Variants in ZNF432 observed in about 807,000 individuals in gnomAD.
ZNF432 encodes the protein zinc finger protein 432.
A neutral mutation model predicts 13.9 loss-of-function variants in ZNF432; 10 were observed. That is an observed-to-expected ratio of 0.72 (90% confidence interval 0.44 to 1.22). ZNF432 has a LOEUF of 1.22. Ranked by LOEUF, ZNF432 falls within the 50% of genes most tolerant of loss-of-function variation. The pLI is 0.00. For synonymous variants in ZNF432, 247 were observed against 256.2 expected, an observed-to-expected ratio of 0.96 and a Z score of 0.34; for missense variants, 793 against 796.2, an observed-to-expected ratio of 1.00 and a Z score of 0.05.
At chr19:52,043,493 T>C (rs2087154130) in intron 2 of ZNF432, among the ~76,000 whole-genome samples, 2 of 151,810 alleles carry the variant, frequency 1.3e-5, no homozygotes, top group Non-Finnish European at 2.9e-5. Flanking sequence ...CATGTGATAG[T>C]CTGAAATATG....
Position 52,033,616 on chromosome 19 carries a change from A to AT in ZNF432, c.*103dup. 7.6e-7 allele frequency: 1 copy of AT among 1,316,444 alleles called. No individual in the cohort carries two copies. The highest frequency in any genetic ancestry group is 1.0e-6 in the Non-Finnish European group (1 of 971,434). The allele number at this position is 1,316,444 out of a possible 1,614,324, so 81.5% of individuals were successfully genotyped here. A position where few individuals can be genotyped will look rare whatever the true frequency, so the allele number is the denominator to read the frequency against. On this transcript the variant is annotated 3_prime_UTR_variant, in exon 5 of 5. Coordinates refer to ENST00000221315, the MANE Select transcript of ZNF432 (RefSeq NM_014650.4). ...GAATAACACTGGATTTTGAAATATG[A>AT]TTTTTCATACTCAGTACACATGTAG...
intron 1 of ZNF432, 30 bp from the exon 2 acceptor site, chr19:52,047,090 A>C (rs1195754895): frequency 2.1e-6 from 1 of 471,662 alleles, no homozygotes; most frequent in Non-Finnish European, 3.8e-6. Flanking sequence ...TCAGGGGTAC[A>C]TTCACCTTAA....
At chr19:52,043,653 A>C (rs1031532552) in intron 2 of ZNF432, among the ~76,000 whole-genome samples, 20 of 152,114 alleles carry the variant, frequency 1.3e-4, no homozygotes, top group African/African-American at 4.8e-4. Context: ...TGGGCAATGG[A>C]ATGTCTCGGT....
chr19:52,034,274 T>G lies in ZNF432; in HGVS notation c.1405A>C (p.Lys469Gln). 1.9e-6 allele frequency: 3 copies of G among 1,614,104 alleles called. No homozygotes were observed. Among genetic ancestry groups the G allele is most frequent in the Non-Finnish European group, 2.5e-6 (3 of 1,179,952 alleles). The change falls in exon 5 of 5, where the codon AAG becomes CAG. Residue 469 changes from lysine to glutamine, a missense_variant. By Grantham distance (53) the Lys-to-Gln change is moderately conservative. Coordinates refer to ENST00000221315, the MANE Select transcript of ZNF432 (RefSeq NM_014650.4). ...CGCTGATGTACAATCAGCCGACTCTTCAAGGGGAAGCCTTTCCCACATTCA... is the reference window on the plus strand; with the variant it reads ...CGCTGATGTACAATCAGCCGACTCTGCAAGGGGAAGCCTTTCCCACATTCA... ...CSECGKGFPL[K>Q]SRLIVHQRTH... is the part of the protein sequence containing the mutation.
In ZNF432 at chr19:52,032,438, T is replaced by TTC. The variant is rs2087023032; in HGVS notation, c.*1281_*1282insGA. 6.9e-6 allele frequency: 1 copy of TTC among 144,608 alleles called. No homozygotes were observed. Among genetic ancestry groups the TTC allele is most frequent in the South Asian group, 2.2e-4 (1 of 4,606 alleles). 9.0% of individuals were successfully genotyped at this position (144,608 alleles called of 1,614,324 possible). Reference sequence around the variant, plus strand: ...TTTGTGACAGTCCTCAAATATGGTTTTTTTTTTTTTTTTTTGAGGCAGAGT... The same window carrying TTC: ...TTTGTGACAGTCCTCAAATATGGTTTTCTTTTTTTTTTTTTTTGAGGCAGAGT... On this transcript the variant is annotated 3_prime_UTR_variant, in exon 5 of 5. Transcript: ENST00000221315.
chr19:52,039,841 A>AG (rs2087117277), intron 4 of ZNF432, among the ~76,000 whole-genome samples: 1 of 151,336 alleles, frequency 6.6e-6, no homozygotes, highest in South Asian at 2.1e-4. Flanking sequence ...AAAAAAAAAA[A>AG]AAAAAGAAAA....
chr19:52,048,278 T>C (rs1433677584), intron 1 of ZNF432, among the ~76,000 whole-genome samples: 1 of 151,896 alleles, frequency 6.6e-6, no homozygotes, highest in African/African-American at 2.4e-5. Context: ...AAACCTGGAA[T>C]AGACACACAC....
In ZNF432 at chr19:52,033,911, C is replaced by G; in HGVS notation, c.1768G>C (p.Val590Leu). Residue 590 changes from valine to leucine, a missense_variant, in exon 5 of 5, where the codon GTT becomes CTT. By Grantham distance (32) the Val-to-Leu change is conservative. Transcript: ENST00000221315. ...CCATAAGGTTTTTCTCCAGTATGAA[C>G]TTGCTTATGTAAAGCAAGCTCTGTT... ...KETELALHKQ[V>L]HTGEKPYGCN... 1 of 1,613,886 alleles carries G rather than the reference C, an allele frequency of 6.2e-7. No homozygotes were observed. The highest frequency in any genetic ancestry group is 8.5e-7 in the Non-Finnish European group (1 of 1,179,922).
intron 4 of ZNF432, among the ~76,000 whole-genome samples, chr19:52,039,438 AT>A (rs1240726098): frequency 3.9e-5 from 6 of 152,234 alleles, no homozygotes; most frequent in Non-Finnish European, 7.3e-5. Flanking sequence ...GAATGGAAGA[AT>A]TTCAAAAACA....
In ZNF432 at chr19:52,034,278, G is replaced by A. The variant is rs1162716179; in HGVS notation, c.1401C>T (p.Pro467=). 2 of 1,613,806 alleles carry A rather than the reference G, an allele frequency of 1.2e-6. No individual in the cohort carries two copies. The highest frequency in any genetic ancestry group is 1.7e-6 in the Non-Finnish European group (2 of 1,179,886). Residue 467 remains proline (P), a synonymous_variant, in exon 5 of 5, where the codon CCC becomes CCT. Transcript: ENST00000221315. ...GATGTACAATCAGCCGACTCTTCAA[G>A]GGGAAGCCTTTCCCACATTCACTGC... ...YTCSECGKGF[P]LKSRLIVHQR...
At chr19:52,044,161 C>G (rs910461832) in intron 2 of ZNF432, among the ~76,000 whole-genome samples, 1 of 152,034 alleles carries the variant, frequency 6.6e-6, no homozygotes, top group African/African-American at 2.4e-5. Flanking sequence ...GAGAAAAGAA[C>G]AGACTTGCTG....
In ZNF432 at chr19:52,034,361, C is replaced by T. The variant is rs774627856; in HGVS notation, c.1318G>A (p.Val440Met). 1.2e-6 allele frequency: 2 copies of T among 1,613,410 alleles called. No individual in the cohort carries two copies. Among genetic ancestry groups the T allele is most frequent in the East Asian group, 2.2e-5 (1 of 44,818 alleles). The change falls in exon 5 of 5, where the codon GTG becomes ATG. Residue 440 changes from valine (V) to methionine (M), a missense_variant. Transcript: ENST00000221315. ...LCSECGKGFTVKSMLIIHQRT... is the reference protein window; with the variant it reads ...LCSECGKGFTMKSMLIIHQRT... The stretch of plus-strand genomic sequence containing the variant: ...TGATGTATGATGAGCATGCTTTTCA[C>T]AGTAAAACCTTTTCCACATTCACTA...
At chr19:52,045,108 G>A (rs34366131) in intron 2 of ZNF432, among the ~76,000 whole-genome samples, 2,567 of 152,266 alleles carry the variant, frequency 0.017, 39 homozygotes, top group Non-Finnish European at 0.027. Flanking sequence ...GCCACAGGTT[G>A]TACAAGCTTG....
chr19:52,044,412 A>T (rs1375377163), intron 2 of ZNF432, among the ~76,000 whole-genome samples: 1 of 152,172 alleles, frequency 6.6e-6, no homozygotes, highest in Non-Finnish European at 1.5e-5. Context: ...TGAGAAAAAA[A>T]ATTTAATTTC....
chr19:52,034,104 C>T lies in ZNF432; in HGVS notation c.1575G>A (p.Lys525=). The T allele has an allele frequency of 6.2e-7, 1 of 1,613,888 alleles. No individual in the cohort carries two copies. ...TTCGCTGGTGTACAACAAGATTGCT[C>T]TTAAAGGCAAAACCTTTTCCACATT... ...CNECGKGFAF[K]SNLVVHQRTH... The change falls in exon 5 of 5, where the codon AAG becomes AAA. Residue 525 remains lysine, a synonymous_variant. Transcript: ENST00000221315.
rs2087168492 is a variant in ZNF432 at position 52,045,078 on chromosome 19, G to A, written c.15+1776C>T. ...GTTGGGCCACATTCAAAGCCATCCT[G>A]AGCTGCATGCAGCCCACAGGCCACA... On this transcript the variant is annotated intron_variant, in intron 2 of 4. Coordinates refer to ENST00000221315, the MANE Select transcript of ZNF432 (RefSeq NM_014650.4). 3.3e-5 allele frequency among the ~76,000 whole-genome samples: 5 copies of A among 152,110 alleles called. No homozygotes were observed. The South Asian group carries it at 1.0e-3, about 32-fold the overall frequency.
Position 52,035,321 on chromosome 19 carries a change from G to C in ZNF432, c.358C>G (p.Leu120Val). The C allele has an allele frequency of 1.9e-6, 3 of 1,612,586 alleles. No individual in the cohort carries two copies. Among genetic ancestry groups the C allele is most frequent in the Non-Finnish European group, 2.5e-6 (3 of 1,179,670 alleles). ...TCATGATTTTCCCTGAAAAGACAAA[G>C]GCTTTTGGTTTGAGAGGCAGTATTT... ...FGNTASQTKS[L>V]CLFRENHDTF... is the part of the protein sequence containing the mutation. Residue 120 changes from leucine to valine, a missense_variant, in exon 5 of 5, where the codon CTT becomes GTT. Physicochemically the swap from Leu to Val is conservative, Grantham distance 32. Transcript: ENST00000221315.
chr19:52,036,289 G>T (rs1220169826), intron 4 of ZNF432, among the ~76,000 whole-genome samples: 1 of 152,106 alleles, frequency 6.6e-6, no homozygotes, highest in Admixed American at 6.5e-5. Flanking sequence ...AAAACAATAC[G>T]AAGGAACAAA....
chr19:52,037,915 A>T (rs190119732), intron 4 of ZNF432, among the ~76,000 whole-genome samples: 2 of 152,268 alleles, frequency 1.3e-5, no homozygotes, highest in East Asian at 3.9e-4. Flanking sequence ...AGCATCAGTT[A>T]AGTTGTACTA....
Sources: allele counts gnomAD v4.1 joint callset (sites outside exome capture counted in the v4.1 genomes callset), GRCh38; gene constraint gnomAD v4.1.1; transcripts MANE v1.5; gene names NCBI Gene and HGNC (gene_info 2026-07-23, HGNC 2026-07-21).